Variants in CLEC16A observed in about 807,000 individuals in gnomAD.
The protein encoded by CLEC16A is C-type lectin domain containing 16A.
In CLEC16A, 51 loss-of-function variants were observed where a neutral mutation model predicts 109.5. That is an observed-to-expected ratio of 0.47 (90% CI 0.37 to 0.59). The LOEUF (loss-of-function observed/expected upper bound fraction) is 0.59. CLEC16A is among the 20% of genes least tolerant of loss of function. CLEC16A has a pLI of 0.00. For synonymous variants in CLEC16A, 673 were observed against 564.2 expected, an observed-to-expected ratio of 1.19 and a Z score of -2.73; for missense variants, 1,339 against 1,394.0, an observed-to-expected ratio of 0.96 and a Z score of 0.63.
intron 19 of CLEC16A, among the ~76,000 whole-genome samples, chr16:11,098,925 A>C (rs578006923): frequency 1.5e-3 from 224 of 152,348 alleles, no homozygotes; most frequent in African/African-American, 5.2e-3. Flanking sequence ...GGAGGGAGGC[A>C]GGTGACCCAT....
At chr16:10,953,421 G>C (rs149321935) in intron 1 of CLEC16A, among the ~76,000 whole-genome samples, 2 of 152,206 alleles carry the variant, frequency 1.3e-5, no homozygotes, top group Admixed American at 1.3e-4. Flanking sequence ...CAGTAACTTT[G>C]TTAGAAGTAA....
Position 11,174,381 on chromosome 16 carries a change from G to T in CLEC16A, c.2807-3954G>T, listed in dbSNP as rs770997223. On this transcript the variant is annotated intron_variant, in intron 23 of 23. Coordinates refer to ENST00000409790, the MANE Select transcript of CLEC16A (RefSeq NM_015226.3). This position sits in a 1 kb window ranked among gnomAD's most constrained non-coding sequence, Gnocchi z 4.7. ...TGGCAAGGTGGGCCAAGCTGGGCCT[G>T]AGCACAGAGCCATTTGCCAAGGCGG... 9.1e-5 allele frequency: 33 copies of T among 361,382 alleles called. No homozygotes were observed. The highest frequency in any genetic ancestry group is 1.7e-4 in the Non-Finnish European group (30 of 178,318). The allele number at this position is 361,382 out of a possible 1,614,324, so 22.4% of individuals were successfully genotyped here.
intron 13 of CLEC16A, chr16:11,027,418 G>A (rs1306459066): frequency 1.9e-5 from 28 of 1,464,558 alleles, no homozygotes; most frequent in East Asian, 1.1e-4. Flanking sequence ...CAAATGCTGC[G>A]TATAGTGGAA....
chr16:11,108,426 C>G (rs1455632613), intron 19 of CLEC16A, among the ~76,000 whole-genome samples: 1 of 152,248 alleles, frequency 6.6e-6, no homozygotes, highest in Admixed American at 6.5e-5. Context: ...GAGTTAAACC[C>G]TCAGGGCTTG....
At chr16:10,965,974 C>T (rs867602713) in intron 3 of CLEC16A, among the ~76,000 whole-genome samples, 34 of 152,154 alleles carry the variant, frequency 2.2e-4, no homozygotes, top group African/African-American at 7.7e-4. Flanking sequence ...GGTCTGGAAG[C>T]CACTAGCCAG....
intron 22 of CLEC16A, among the ~76,000 whole-genome samples, chr16:11,148,305 C>A (rs1214007134): frequency 3.7e-4 from 56 of 152,214 alleles, no homozygotes. Context: ...AATGTCATCT[C>A]AAATGCCACA....
chr16:11,015,666 G>A (rs558566713), intron 11 of CLEC16A, among the ~76,000 whole-genome samples: 3 of 152,350 alleles, frequency 2.0e-5, no homozygotes, highest in East Asian at 3.9e-4. Context: ...TGAGCTTGGT[G>A]CTGAATTGTC....
intron 14 of CLEC16A, chr16:11,041,515 A>T (rs546696210): frequency 7.2e-5 from 11 of 152,368 alleles, no homozygotes; most frequent in African/African-American, 2.6e-4. Context: ...CAGCCCCTCC[A>T]GCTAGCCCTT....
chr16:11,068,254 G>C (rs897038754), intron 19 of CLEC16A, among the ~76,000 whole-genome samples: 2 of 152,244 alleles, frequency 1.3e-5, no homozygotes, highest in African/African-American at 4.8e-5. Flanking sequence ...GGTGGATATA[G>C]AGGTTGCAAA....
rs1253938769 is a variant in CLEC16A, at chr16:11,131,640, C to G, written c.2641+5494C>G. Among the ~76,000 whole-genome samples, 3 of 152,274 alleles carry G rather than the reference C, an allele frequency of 2.0e-5. No homozygotes were observed. The East Asian group carries it at 5.8e-4, about 29-fold the overall frequency. On this transcript the variant is annotated intron_variant, in intron 22 of 23. Transcript: ENST00000409790. Reference sequence around the variant, plus strand: ...GACATGACAAAAAAGTGACCTGTTCCCACCTGGTTTACCATCAACCGCTCC... The same window carrying G: ...GACATGACAAAAAAGTGACCTGTTCGCACCTGGTTTACCATCAACCGCTCC...
chr16:11,032,104 C>T (rs2046775444), intron 13 of CLEC16A, among the ~76,000 whole-genome samples: 3 of 152,162 alleles, frequency 2.0e-5, no homozygotes, highest in East Asian at 1.9e-4. Context: ...GGACTCTGCC[C>T]GCAGGAGTGA....
intron 22 of CLEC16A, among the ~76,000 whole-genome samples, chr16:11,161,427 C>T (rs1034046532): frequency 2.0e-5 from 3 of 152,112 alleles, no homozygotes; most frequent in African/African-American, 4.8e-5. Flanking sequence ...AACTCCAGAC[C>T]GAGGGAACGG....
In CLEC16A at chr16:11,174,628, C is replaced by T. The variant is rs1420959808; in HGVS notation, c.2807-3707C>T. 6.6e-6 allele frequency among the ~76,000 whole-genome samples: 1 copy of T among 152,256 alleles called. No individual in the cohort carries two copies. The highest frequency in any genetic ancestry group is 1.5e-5 in the Non-Finnish European group (1 of 68,044). On this transcript the variant is annotated intron_variant, in intron 23 of 23. Coordinates refer to ENST00000409790, the MANE Select transcript of CLEC16A (RefSeq NM_015226.3). The surrounding 1 kb of genome is among the most constrained non-coding windows in gnomAD (Gnocchi z 4.7). ...CCAGAAGCAGATGCTCCTGCCAAGTCCCCCAGGGGTCCCCCCAGTTTAGGC... is the reference window on the plus strand; with the variant it reads ...CCAGAAGCAGATGCTCCTGCCAAGTTCCCCAGGGGTCCCCCCAGTTTAGGC...
rs548216175 is a variant in CLEC16A, at chr16:11,022,006, G to A, written c.1436+1681G>A. The stretch of plus-strand genomic sequence containing the variant: ...GTTATGTTTGAATATTGGGGTTGAT[G>A]ACTTCTTTTTTTCTGAATTTTGGTG... On this transcript the variant is annotated intron_variant, in intron 12 of 23. Coordinates refer to ENST00000409790, the MANE Select transcript of CLEC16A (RefSeq NM_015226.3). 2.0e-5 allele frequency among the ~76,000 whole-genome samples: 3 copies of A among 152,340 alleles called. No individual in the cohort carries two copies. In the South Asian group the frequency reaches 6.2e-4, roughly 32 times the overall value.
intron 7 of CLEC16A, among the ~76,000 whole-genome samples, chr16:10,974,924 A>G (rs1326714370): frequency 6.6e-6 from 1 of 152,258 alleles, no homozygotes; most frequent in Non-Finnish European, 1.5e-5. Flanking sequence ...GAGTTCTGTC[A>G]TAACAGGAGG....
Position 10,977,120 on chromosome 16 carries a change from A to G in CLEC16A, c.729-105A>G, listed in dbSNP as rs550243873. 79 of 1,065,712 alleles carry G rather than the reference A, an allele frequency of 7.4e-5. No individual in the cohort carries two copies. The Middle Eastern group carries it at 1.5e-3, about 20-fold the overall frequency. 66.0% of individuals were successfully genotyped at this position (1,065,712 alleles called of 1,614,324 possible). ...ATAAGTGTCTCTTGAGACTAACTCA[A>G]ATATGTGGATGAACTCACAGTGACC... On this transcript the variant is annotated intron_variant, in intron 7 of 23. Transcript: ENST00000409790.
At chr16:10,974,364 T>C (rs1468976790) in intron 7 of CLEC16A, among the ~76,000 whole-genome samples, 1 of 152,198 alleles carries the variant, frequency 6.6e-6, no homozygotes, top group Non-Finnish European at 1.5e-5. Context: ...AAAAAACAGA[T>C]TAGGATGGTG....
chr16:11,134,914 C>T (rs2153055397), intron 22 of CLEC16A, among the ~76,000 whole-genome samples: 1 of 152,352 alleles, frequency 6.6e-6, no homozygotes, highest in African/African-American at 2.4e-5. Flanking sequence ...CTGGCATAGG[C>T]CCACATCCTC....
At chr16:11,171,326 A>G (rs1469220001) in intron 23 of CLEC16A, among the ~76,000 whole-genome samples, 9 of 152,206 alleles carry the variant, frequency 5.9e-5, no homozygotes, top group East Asian at 1.9e-4. Context: ...AGGCAGAGCT[A>G]TGGGTGCCCT....
Sources: gnomAD v4.1 joint callset for allele counts (sites outside exome capture counted in the v4.1 genomes callset) on GRCh38, gnomAD v4.1.1 for gene constraint, Gnocchi (gnomAD v3.1) non-coding constraint, MANE v1.5 for transcripts, NCBI Gene and HGNC (gene_info 2026-07-23, HGNC 2026-07-21) for gene names.